Variants in CFAP54 observed in about 807,000 individuals in gnomAD.
CFAP54 encodes the protein cilia- and flagella-associated protein 54.
In CFAP54, 290 loss-of-function variants were observed where a neutral mutation model predicts 370.4. The ratio of observed to expected loss-of-function variants is 0.78; its 90% CI spans 0.71 to 0.86. The LOEUF is 0.86. CFAP54 is among the 40% of genes least tolerant of loss of function. The pLI, the probability that CFAP54 is intolerant of heterozygous loss-of-function variation, is 0.00. For synonymous variants in CFAP54, 1,206 were observed against 1,236.5 expected (o/e 0.98, Z 0.52); for missense variants, 3,399 against 3,528.7 (o/e 0.96, Z 0.93).
At chr12:96,579,165 AT>A (rs533169172) in intron 20 of CFAP54, among the ~76,000 whole-genome samples, 1,511 of 145,352 alleles carry the variant, frequency 0.01, 8 homozygotes, top group Non-Finnish European at 0.016. Context: ...TTAGTTTTGC[AT>A]TTTTTTTTTC....
chr12:96,748,378 A>G (rs1958141955), intron 55 of CFAP54, among the ~76,000 whole-genome samples: 1 of 152,110 alleles, frequency 6.6e-6, no homozygotes, highest in Admixed American at 6.6e-5. Flanking sequence ...TCTAATTTCT[A>G]ATATCTAATC....
At chr12:96,823,393 C>T (rs1377962226) in intron 65 of CFAP54, among the ~76,000 whole-genome samples, 1 of 152,164 alleles carries the variant, frequency 6.6e-6, no homozygotes, top group Non-Finnish European at 1.5e-5. Flanking sequence ...AACCTTAGTG[C>T]TTCCTTAATA....
intron 64 of CFAP54, among the ~76,000 whole-genome samples, chr12:96,816,973 C>T (rs1958980652): frequency 6.6e-6 from 1 of 152,178 alleles, no homozygotes; most frequent in Non-Finnish European, 1.5e-5. Flanking sequence ...CCTCCACCCT[C>T]TTCACTCCCA....
chr12:96,786,835 ACTT>A lies in CFAP54; in HGVS notation c.8620_8622del (p.Leu2874del). On this transcript the variant is annotated inframe_deletion, in exon 62 of 68. Transcript: ENST00000524981. ...CTTGTATTGATGAATTTCCAAAAGA[ACTT>A]CTTTGTCAACTGGAAAATCCCCCTC... is the stretch of plus-strand genomic sequence containing the variant. 7 of 1,535,742 alleles carry A rather than the reference ACTT, an allele frequency of 4.6e-6. No individual in the cohort carries two copies. The highest frequency in any genetic ancestry group is 6.1e-6 in the Non-Finnish European group (7 of 1,146,678).
At chr12:96,646,516 A>G (rs190098373) in intron 33 of CFAP54, 1 of 152,360 alleles carries the variant, frequency 6.6e-6, no homozygotes, top group African/African-American at 2.4e-5. Context: ...TATGTAAACT[A>G]GTTCAACCTT....
At chr12:96,585,039 C>CT (rs11284282) in intron 22 of CFAP54, among the ~76,000 whole-genome samples, 13 of 147,006 alleles carry the variant, frequency 8.8e-5, no homozygotes, top group South Asian at 4.3e-4. Context: ...CTCTCTCTCT[C>CT]TTTTTTTTTT....
intron 45 of CFAP54, among the ~76,000 whole-genome samples, chr12:96,697,044 A>G (rs577917997): frequency 3.4e-4 from 52 of 152,350 alleles, no homozygotes; most frequent in Admixed American, 5.2e-4. Context: ...AGAACTGCCA[A>G]CATCTTGAAA....
At chr12:96,642,490 G>C (rs1641708) in intron 32 of CFAP54, among the ~76,000 whole-genome samples, 37,095 of 151,754 alleles carry the variant, frequency 0.24, 5,433 homozygotes, top group East Asian at 0.49. Flanking sequence ...ATAAATCTCT[G>C]TATCTCTCTA....
chr12:96,600,608 C>G (rs1956228814), intron 26 of CFAP54, among the ~76,000 whole-genome samples: 2 of 152,148 alleles, frequency 1.3e-5, no homozygotes, highest in Admixed American at 6.5e-5. Flanking sequence ...ATTGATTCTT[C>G]CTATCCATGA....
chr12:96,642,492 A>T (rs1204073896), intron 32 of CFAP54, among the ~76,000 whole-genome samples: 1 of 152,052 alleles, frequency 6.6e-6, no homozygotes, highest in Admixed American at 6.6e-5. Flanking sequence ...AAATCTCTGT[A>T]TCTCTCTATC....
chr12:96,715,637 TC>T (rs1000734874), intron 48 of CFAP54, among the ~76,000 whole-genome samples: 1 of 152,196 alleles, frequency 6.6e-6, no homozygotes, highest in Admixed American at 6.5e-5. Flanking sequence ...CTTCACTTTT[TC>T]CTATTTTCCT....
chr12:96,532,083 G>T (rs1239359354), intron 9 of CFAP54, among the ~76,000 whole-genome samples: 2 of 152,180 alleles, frequency 1.3e-5, no homozygotes, highest in East Asian at 1.9e-4. Flanking sequence ...CACAGCAGTT[G>T]TTCTTGCCTT....
At chr12:96,752,389 G>A (rs572378614) in intron 55 of CFAP54, among the ~76,000 whole-genome samples, 176 of 152,204 alleles carry the variant, frequency 1.2e-3, no homozygotes, top group African/African-American at 3.9e-3. Flanking sequence ...CTCAAGGCTT[G>A]GAGGCATGTG....
chr12:96,557,992 A>G (rs573719719), intron 17 of CFAP54, among the ~76,000 whole-genome samples: 2 of 152,106 alleles, frequency 1.3e-5, no homozygotes, highest in East Asian at 3.9e-4. Flanking sequence ...GACACTCTCT[A>G]TCTATAAAAT....
intron 66 of CFAP54, among the ~76,000 whole-genome samples, chr12:96,853,560 A>G (rs540872532): frequency 6.6e-6 from 1 of 152,162 alleles, no homozygotes; most frequent in South Asian, 2.1e-4. Flanking sequence ...ACTTAAAAGA[A>G]TTTTTACTTT....
chr12:96,527,193 A>G (rs1160086575), intron 8 of CFAP54, 53 bp from the exon 9 acceptor site: 16 of 1,423,274 alleles, frequency 1.1e-5, no homozygotes, highest in Middle Eastern at 3.6e-4. Context: ...CACTGCGCCC[A>G]CAATATAATA....
At chr12:96,587,268 G>A (rs979665804) in intron 22 of CFAP54, among the ~76,000 whole-genome samples, 1 of 152,000 alleles carries the variant, frequency 6.6e-6, no homozygotes, top group Admixed American at 6.6e-5. Flanking sequence ...TATAGGACTA[G>A]GTGGTATCAA....
intron 3 of CFAP54, 76 bp from the exon 4 acceptor site, chr12:96,506,852 G>GTGAGCTA: frequency 7.5e-7 from 1 of 1,325,674 alleles, no homozygotes; most frequent in South Asian, 1.6e-5. Flanking sequence ...CTCCCTAAGT[G>GTGAGCTA]CTGGGATTAC....
At chr12:96,854,938 A>AGAT (rs2136457792) in intron 66 of CFAP54, among the ~76,000 whole-genome samples, 2 of 152,320 alleles carry the variant, frequency 1.3e-5, no homozygotes, top group Admixed American at 1.3e-4. Flanking sequence ...AAATAAAGAC[A>AGAT]TATCTAAGAC....
Sources: gnomAD v4.1 joint callset for allele counts (sites outside exome capture counted in the v4.1 genomes callset) on GRCh38, gnomAD v4.1.1 for gene constraint, MANE v1.5 for transcripts, NCBI Gene and HGNC (gene_info 2026-07-23, HGNC 2026-07-21) for gene names.